PCDHGA3: variants seen among roughly 807,000 people sequenced by gnomAD.
PCDHGA3 encodes protocadherin gamma-A3.
Under a neutral mutation model 58.5 loss-of-function variants are expected in PCDHGA3, and 40 were observed. That is an observed-to-expected ratio of 0.68 (90% CI 0.53 to 0.89). PCDHGA3 has a LOEUF of 0.89. PCDHGA3 is among the 40% of genes least tolerant of loss of function. PCDHGA3 has a pLI of 0.00. For missense variants in PCDHGA3, 1,223 were observed against 1,195.9 expected (o/e 1.02, Z -0.33); for synonymous variants, 530 against 525.7 (o/e 1.01, Z -0.11).
rs370242892 is a variant in PCDHGA3 at position 141,420,225 on chromosome 5, C to A, written c.2424+73768C>A. On this transcript the variant is annotated intron_variant, in intron 1 of 3. Coordinates refer to ENST00000253812, the MANE Select transcript of PCDHGA3 (RefSeq NM_018916.4). ...CTCAACAAAGATAGCATGCTACTGGCTAGCATTTTAACTCCCAGCGTTGAA... is the reference window on the plus strand; with the variant it reads ...CTCAACAAAGATAGCATGCTACTGGATAGCATTTTAACTCCCAGCGTTGAA... 13 of 1,603,470 alleles carry A rather than the reference C, an allele frequency of 8.1e-6. No homozygotes were observed. In the African/African-American group the frequency reaches 1.7e-4, roughly 21 times the overall value.
intron 1 of PCDHGA3, chr5:141,413,330 T>G (rs770842309): frequency 6.2e-7 from 1 of 1,613,812 alleles, no homozygotes; most frequent in Non-Finnish European, 8.5e-7. Context: ...GTGGGCAACA[T>G]CTCCAAGGAC....
intron 1 of PCDHGA3, chr5:141,371,139 G>T: frequency 6.2e-7 from 1 of 1,614,022 alleles, no homozygotes; most frequent in South Asian, 1.1e-5. Context: ...CATGTACAGG[G>T]TCAATGTTGC....
At chr5:141,395,277 A>G (rs758440707) in intron 1 of PCDHGA3, 2 of 1,542,838 alleles carry the variant, frequency 1.3e-6, no homozygotes, top group East Asian at 2.3e-5. Flanking sequence ...TTCCAGATGA[A>G]TTTTATTTGG....
chr5:141,390,321 C>A (rs776100029), intron 1 of PCDHGA3: 1 of 1,606,964 alleles, frequency 6.2e-7, no homozygotes, highest in Non-Finnish European at 8.5e-7. Context: ...TCATTGCCTA[C>A]CCATTTCTCC....
At chr5:141,403,892 T>C in intron 1 of PCDHGA3, 1 of 1,613,820 alleles carries the variant, frequency 6.2e-7, no homozygotes, top group Non-Finnish European at 8.5e-7. Flanking sequence ...AGAATGTTCA[T>C]TTTATGAAAT....
intron 1 of PCDHGA3, among the ~76,000 whole-genome samples, chr5:141,359,008 G>A (rs1212259195): frequency 2.0e-5 from 3 of 152,230 alleles, no homozygotes; most frequent in Non-Finnish European, 4.4e-5. Flanking sequence ...ACACAAATTA[G>A]TGTAATTTGA....
intron 1 of PCDHGA3, chr5:141,394,275 A>T: frequency 6.2e-7 from 1 of 1,613,910 alleles, no homozygotes; most frequent in Non-Finnish European, 8.5e-7. Context: ...TGCCCAGGTC[A>T]CTTACTCTGT....
chr5:141,492,695 A>G (rs925499358), intron 1 of PCDHGA3, among the ~76,000 whole-genome samples: 14 of 152,214 alleles, frequency 9.2e-5, no homozygotes, highest in African/African-American at 3.1e-4. Context: ...CGACCCCTCA[A>G]CCCAGAAGCC....
intron 3 of PCDHGA3, among the ~76,000 whole-genome samples, chr5:141,506,011 C>T (rs1209221520): frequency 6.6e-6 from 1 of 152,204 alleles, no homozygotes; most frequent in Non-Finnish European, 1.5e-5. Flanking sequence ...TCCTCTTTTG[C>T]TGCCCCTAAC....
chr5:141,366,803 T>C, intron 1 of PCDHGA3: 1 of 1,562,322 alleles, frequency 6.4e-7, no homozygotes. Context: ...TTTGTTTCCT[T>C]TTTCATGTTT....
Position 141,345,730 on chromosome 5 carries a change from C to T in PCDHGA3, c.1697C>T (p.Ala566Val), listed in dbSNP as rs753389451. ...NDNAPEILYP[A>V]LPTDGSTGVE... ...AACGCGCCCGAGATCCTGTACCCCG[C>T]CCTCCCCACAGACGGTTCCACTGGC... Residue 566 changes from alanine (A) to valine (V), a missense_variant, in exon 1 of 4, where the codon GCC becomes GTC. By Grantham distance (64) the Ala-to-Val change is moderately conservative. Transcript: ENST00000253812. 1 of 1,614,218 alleles carries T rather than the reference C, an allele frequency of 6.2e-7. No homozygotes were observed. Among genetic ancestry groups the T allele is most frequent in the Non-Finnish European group, 8.5e-7 (1 of 1,180,040 alleles).
At chr5:141,350,181 A>G (rs1376839012) in intron 1 of PCDHGA3, 5 of 1,332,568 alleles carry the variant, frequency 3.8e-6, no homozygotes, top group Non-Finnish European at 4.0e-6. Context: ...TCCTAAGCTC[A>G]AATCACAGAA....
intron 1 of PCDHGA3, chr5:141,374,996 G>A: frequency 1.9e-6 from 3 of 1,614,006 alleles, no homozygotes; most frequent in Non-Finnish European, 2.5e-6. Context: ...TTCAACTTCT[G>A]CAAATCTAGA....
chr5:141,361,602 C>G (rs571629532), intron 1 of PCDHGA3: 1 of 1,613,936 alleles, frequency 6.2e-7, no homozygotes, highest in Non-Finnish European at 8.5e-7. Flanking sequence ...AAGTTTCCTA[C>G]TCCATCGTAG....
rs558944208 is a variant in PCDHGA3, at chr5:141,478,187, A to G, written c.2425-16620A>G. On this transcript the variant is annotated intron_variant, in intron 1 of 3. Coordinates refer to ENST00000253812, the MANE Select transcript of PCDHGA3 (RefSeq NM_018916.4). ...CCCCCGGGAGCAGAAAAAAAATCTC[A>G]CCTTTTATCTACTTCTTTCTCTAAT... is the stretch of plus-strand genomic sequence containing the variant. The G allele has an allele frequency of 2.9e-5, 46 of 1,613,548 alleles. No individual in the cohort carries two copies. The highest frequency in any genetic ancestry group is 3.9e-5 in the Non-Finnish European group (46 of 1,179,954).
intron 1 of PCDHGA3, among the ~76,000 whole-genome samples, chr5:141,381,826 C>CTTCTTTTTTT (rs1777532522): frequency 3.1e-4 from 23 of 74,294 alleles, no homozygotes; most frequent in African/African-American, 1.4e-3. Context: ...CTTTCTTCTT[C>CTTCTTTTTTT]TTTTTTTTTT....
rs1053132512 is a variant in PCDHGA3 at position 141,409,714 on chromosome 5, C to A, written c.2424+63257C>A. The A allele has an allele frequency of 3.7e-6, 6 of 1,613,108 alleles. No individual in the cohort carries two copies. The African/African-American group carries it at 8.0e-5, about 22-fold the overall frequency. On this transcript the variant is annotated intron_variant, in intron 1 of 3. Transcript: ENST00000253812. ...TAGAGCCCCTGGCGGTGTCGTCATACGTGTCAGTGAGCGCGCAGAGCGGGG... is the reference window on the plus strand; with the variant it reads ...TAGAGCCCCTGGCGGTGTCGTCATAAGTGTCAGTGAGCGCGCAGAGCGGGG...
intron 1 of PCDHGA3, chr5:141,417,547 G>C (rs756455730): frequency 9.7e-5 from 31 of 318,264 alleles, no homozygotes; most frequent in Non-Finnish European, 1.5e-4. Flanking sequence ...AAAATTCCTT[G>C]AAAGAGGTAG....
intron 1 of PCDHGA3, chr5:141,376,827 C>T (rs954435109): frequency 2.9e-5 from 8 of 271,594 alleles, no homozygotes; most frequent in Middle Eastern, 1.2e-3. Flanking sequence ...GCTGGGACTA[C>T]AGGCGCCCGC....
Sources: gnomAD v4.1 joint callset for allele counts (sites outside exome capture counted in the v4.1 genomes callset) on GRCh38, gnomAD v4.1.1 for gene constraint, MANE v1.5 for transcripts, NCBI Gene and HGNC (gene_info 2026-07-23, HGNC 2026-07-21) for gene names.